Variants in ARB2A observed in about 807,000 individuals in gnomAD.
ARB2A encodes ARB2 cotranscriptional regulator A.
the ARB2A span, among the ~76,000 whole-genome samples, chr5:93,878,728 C>A: frequency 6.6e-6 from 1 of 151,956 alleles, no homozygotes; most frequent in South Asian, 2.1e-4. Context: ...GATCAAAAAT[C>A]TATCTTTGTC....
chr5:93,984,684 T>C, the ARB2A span, among the ~76,000 whole-genome samples: 27 of 152,336 alleles, frequency 1.8e-4, no homozygotes, highest in East Asian at 3.9e-3. Context: ...TCCATCATGA[T>C]TATCTCATAT....
the ARB2A span, among the ~76,000 whole-genome samples, chr5:93,932,991 G>A: frequency 6.6e-6 from 1 of 152,134 alleles, no homozygotes. Context: ...AGTCAGCAAA[G>A]GATATGAACA....
At chr5:93,917,336 G>A in the ARB2A span, among the ~76,000 whole-genome samples, 1 of 152,118 alleles carries the variant, frequency 6.6e-6, no homozygotes, top group African/African-American at 2.4e-5. Flanking sequence ...AATGGATTCA[G>A]GAAGATCAAG....
At chr5:93,698,377 G>T in the ARB2A span, among the ~76,000 whole-genome samples, 11 of 152,120 alleles carry the variant, frequency 7.2e-5, no homozygotes, top group Admixed American at 3.3e-4. Context: ...GAGAAGTTGA[G>T]GCCAACAAAT....
the ARB2A span, among the ~76,000 whole-genome samples, chr5:93,978,530 A>G: frequency 6.6e-6 from 1 of 152,130 alleles, no homozygotes; most frequent in Non-Finnish European, 1.5e-5. Context: ...ACCAAATACT[A>G]CATGTTCTCA....
At chr5:93,714,060 T>C in the ARB2A span, among the ~76,000 whole-genome samples, 12 of 152,356 alleles carry the variant, frequency 7.9e-5, no homozygotes, top group Non-Finnish European at 1.0e-4. Flanking sequence ...TGGAAAAATA[T>C]ATTTTTTTGT....
At chr5:93,700,380 G>A in the ARB2A span, among the ~76,000 whole-genome samples, 12 of 151,982 alleles carry the variant, frequency 7.9e-5, no homozygotes, top group African/African-American at 2.9e-4. Context: ...TAGAATATTA[G>A]AGAAAAGTTA....
the ARB2A span, among the ~76,000 whole-genome samples, chr5:94,069,073 G>GATAGATAGATAC: frequency 6.6e-6 from 1 of 151,766 alleles, no homozygotes; most frequent in African/African-American, 2.4e-5. Context: ...TAGATAGATA[G>GATAGATAGATAC]ATAGATAGAT....
chr5:93,896,578 T>C, the ARB2A span, among the ~76,000 whole-genome samples: 1 of 151,992 alleles, frequency 6.6e-6, no homozygotes, highest in African/African-American at 2.4e-5. Context: ...GTACTAAGCA[T>C]TGTGGACAAA....
chr5:94,074,838 T>C, the ARB2A span: 1 of 1,012,932 alleles, frequency 9.9e-7, no homozygotes, highest in African/African-American at 1.6e-5. Flanking sequence ...ACTTCCTTGA[T>C]CCTCCCAGTC....
the ARB2A span, among the ~76,000 whole-genome samples, chr5:93,636,861 T>C: frequency 2.0e-5 from 3 of 152,242 alleles, no homozygotes; most frequent in Non-Finnish European, 4.4e-5. Context: ...GTATTTATGA[T>C]TACACTTTTT....
At chr5:94,035,043 C>G in the ARB2A span, among the ~76,000 whole-genome samples, 1 of 152,110 alleles carries the variant, frequency 6.6e-6, no homozygotes, top group Non-Finnish European at 1.5e-5. Context: ...GAGAAACTGT[C>G]TTCCATGAAA....
the ARB2A span, among the ~76,000 whole-genome samples, chr5:93,982,963 G>A: frequency 6.6e-6 from 1 of 152,158 alleles, no homozygotes; most frequent in Non-Finnish European, 1.5e-5. Flanking sequence ...GGCTAAGGTA[G>A]GAGAATCGCT....
At chr5:93,902,779 C>T in the ARB2A span, among the ~76,000 whole-genome samples, 1 of 152,046 alleles carries the variant, frequency 6.6e-6, no homozygotes, top group South Asian at 2.1e-4. Flanking sequence ...TCCACAAAGA[C>T]ACCTCAATCT....
chr5:93,969,889 G>A, the ARB2A span, among the ~76,000 whole-genome samples: 6 of 152,060 alleles, frequency 3.9e-5, no homozygotes, highest in Non-Finnish European at 7.4e-5. Context: ...AGGGGGTGGG[G>A]AAGAGTGACA....
At chr5:94,088,812 A>T in the ARB2A span, among the ~76,000 whole-genome samples, 1 of 152,184 alleles carries the variant, frequency 6.6e-6, no homozygotes, top group African/African-American at 2.4e-5. Flanking sequence ...TAAGAAATTA[A>T]ATTTTTTAAA....
At chr5:94,104,325 C>A in the ARB2A span, among the ~76,000 whole-genome samples, 1 of 150,892 alleles carries the variant, frequency 6.6e-6, no homozygotes, top group Non-Finnish European at 1.5e-5. Flanking sequence ...GTGAACATTA[C>A]AACTGACCCC....
the ARB2A span, among the ~76,000 whole-genome samples, chr5:93,877,259 T>C: frequency 6.6e-6 from 1 of 152,198 alleles, no homozygotes; most frequent in African/African-American, 2.4e-5. Context: ...ATTAGACAGA[T>C]CAGCATCAAG....
chr5:93,666,503 C>CTTT, the ARB2A span, among the ~76,000 whole-genome samples: 4 of 139,536 alleles, frequency 2.9e-5, no homozygotes, highest in Non-Finnish European at 6.3e-5. Flanking sequence ...GTGCTATATC[C>CTTT]TTTTTTTTTT....
Sources: allele counts gnomAD v4.1 joint callset (sites outside exome capture counted in the v4.1 genomes callset), GRCh38; gene constraint gnomAD v4.1.1; transcripts MANE v1.5; gene names NCBI Gene and HGNC (gene_info 2026-07-23, HGNC 2026-07-21).